The following EPC1 variants were observed in gnomAD, a reference collection of about 807,000 sequenced individuals.
EPC1 encodes the protein enhancer of polycomb 1.
A neutral mutation model predicts 98.4 loss-of-function variants in EPC1; 12 were observed. The ratio of observed to expected loss-of-function variants is 0.12; its 90% CI spans 0.08 to 0.20. The LOEUF (loss-of-function observed/expected upper bound fraction) is 0.20. Ranked by LOEUF, EPC1 falls within the 10% of genes least tolerant of loss-of-function variation. The probability of loss-of-function intolerance (pLI) is 1.00; values close to 1 mark genes in which losing one functional copy is unlikely to be tolerated. For missense variants in EPC1, 729 were observed against 990.5 expected (o/e 0.74, Z 3.54); for synonymous variants, 357 against 363.9 (o/e 0.98, Z 0.21).
intron 1 of EPC1, among the ~76,000 whole-genome samples, chr10:32,310,150 G>A (rs1836122783): frequency 6.6e-6 from 1 of 151,964 alleles, no homozygotes. Context: ...AGCTGAGATG[G>A]CACCACTGCA....
chr10:32,365,474 G>T (rs192962764), intron 1 of EPC1, among the ~76,000 whole-genome samples: 1 of 151,950 alleles, frequency 6.6e-6, no homozygotes, highest in Non-Finnish European at 1.5e-5. Context: ...AATAACAGTC[G>T]CACTCTAACC....
chr10:32,325,094 T>C (rs1413736183), intron 1 of EPC1, among the ~76,000 whole-genome samples: 1 of 152,234 alleles, frequency 6.6e-6, no homozygotes, highest in African/African-American at 2.4e-5. Context: ...TGTCAACCTA[T>C]GAACATAATC....
At chr10:32,282,384 G>GT (rs1836453893) in intron 10 of EPC1, 1 of 152,192 alleles carries the variant, frequency 6.6e-6, no homozygotes, top group South Asian at 2.1e-4. Context: ...GCCAGTCATG[G>GT]TGGCATACGC....
intron 1 of EPC1, among the ~76,000 whole-genome samples, chr10:32,378,060 C>G (rs901578159): frequency 6.6e-6 from 1 of 152,014 alleles, no homozygotes; most frequent in Non-Finnish European, 1.5e-5. Flanking sequence ...TAGTTTGTAT[C>G]CAAGTAATCT....
chr10:32,368,446 G>T (rs1327665946), intron 1 of EPC1, among the ~76,000 whole-genome samples: 1 of 152,156 alleles, frequency 6.6e-6, no homozygotes, highest in African/African-American at 2.4e-5. Flanking sequence ...TACCTGGAAG[G>T]TCTTCTCTCA....
intron 1 of EPC1, among the ~76,000 whole-genome samples, chr10:32,361,712 T>C (rs1839449144): frequency 6.6e-6 from 1 of 152,156 alleles, no homozygotes. Flanking sequence ...TGAGAGATAA[T>C]AGTCAATTTA....
At chr10:32,310,187 AT>A (rs1419232737) in intron 1 of EPC1, among the ~76,000 whole-genome samples, 1 of 152,166 alleles carries the variant, frequency 6.6e-6, no homozygotes, top group East Asian at 1.9e-4. Flanking sequence ...AGAGTGAGAT[AT>A]TGTCTCAAAA....
intron 10 of EPC1, among the ~76,000 whole-genome samples, chr10:32,275,293 A>T (rs905844428): frequency 3.3e-5 from 5 of 152,368 alleles, no homozygotes; most frequent in African/African-American, 7.2e-5. Context: ...TGTGAATTTC[A>T]CTTCTTAACA....
intron 1 of EPC1, chr10:32,344,967 T>C (rs1838661551): frequency 5.0e-6 from 1 of 201,360 alleles, no homozygotes. Context: ...TGTGCTGTCT[T>C]GCTTTAATCA....
At chr10:32,350,143 A>G (rs148143013), upstream of EPC1, among the ~76,000 whole-genome samples, 433 of 152,366 alleles carry the variant, frequency 2.8e-3, 4 homozygotes, top group African/African-American at 9.9e-3. Flanking sequence ...AATGTATGCT[A>G]GGGCAAAGGT....
chr10:32,313,263 G>A (rs1286404268), intron 1 of EPC1, among the ~76,000 whole-genome samples: 2 of 152,068 alleles, frequency 1.3e-5, no homozygotes, highest in Non-Finnish European at 2.9e-5. Flanking sequence ...AGAGATACAG[G>A]GCAGAACATC....
At chr10:32,292,906 T>C (rs1225921800) in intron 4 of EPC1, 82 bp downstream of exon 4, 8 of 946,102 alleles carry the variant, frequency 8.5e-6, no homozygotes, top group Non-Finnish European at 1.2e-5. Flanking sequence ...TGAATATAAA[T>C]TAAACCACAG....
intron 1 of EPC1, 117 bp downstream of exon 1, chr10:32,346,646 A>G (rs1018462690): frequency 1.9e-6 from 2 of 1,025,644 alleles, no homozygotes; most frequent in Admixed American, 2.2e-5. Flanking sequence ...GGCGACTGAG[A>G]GTCGGCGGCG....
chr10:32,317,292 TTA>T (rs1836612683), intron 1 of EPC1, among the ~76,000 whole-genome samples: 1 of 152,254 alleles, frequency 6.6e-6, no homozygotes, highest in African/African-American at 2.4e-5. Flanking sequence ...ATTATACCAG[TTA>T]TTTAAGGTCC....
In EPC1 at chr10:32,321,513, C is replaced by T. The variant is rs539468204; in HGVS notation, c.154-15582G>A. On this transcript the variant is annotated intron_variant, in intron 1 of 13. Transcript: ENST00000319778. ...TGCTACAGGTGCAACCACCACACCC[C>T]GCTTAGATCCATTTAATTTTTGAGG... Among the ~76,000 whole-genome samples the T allele has an allele frequency of 9.1e-4, 139 of 152,058 alleles. 1 individual carries two copies. The highest frequency in any genetic ancestry group is 3.2e-3 in the African/African-American group (133 of 41,488).
intron 13 of EPC1, among the ~76,000 whole-genome samples, chr10:32,270,845 A>G (rs1398934642): frequency 1.3e-5 from 2 of 150,668 alleles, no homozygotes; most frequent in South Asian, 2.1e-4. Flanking sequence ...AAAAAAAAAA[A>G]AAAAGAATAG....
At chr10:32,342,937 G>T (rs74128078) in intron 1 of EPC1, among the ~76,000 whole-genome samples, 3,049 of 152,242 alleles carry the variant, frequency 0.02, 109 homozygotes, top group African/African-American at 0.07. Context: ...AATCCATTTG[G>T]TAAGTTTAAC....
intron 1 of EPC1, among the ~76,000 whole-genome samples, chr10:32,357,977 C>T (rs1170630783): frequency 6.6e-6 from 1 of 151,532 alleles, no homozygotes; most frequent in Admixed American, 6.6e-5. Context: ...GCCTCAGCCT[C>T]CCGAGTAGCT....
Position 32,346,916 on chromosome 10 carries a change from C to T in EPC1, c.-1G>A, listed in dbSNP as rs1838872303. The T allele has an allele frequency of 2.5e-6, 4 of 1,613,366 alleles. No homozygotes were observed. The highest frequency in any genetic ancestry group is 2.2e-5 in the East Asian group (1 of 44,854). On this transcript the variant is annotated 5_prime_UTR_variant, in exon 1 of 14. Coordinates refer to ENST00000319778, the MANE Select transcript of EPC1 (RefSeq NM_001272004.3). The stretch of plus-strand genomic sequence containing the variant: ...GCGCCCGAAACGACAGTTTACTCAT[C>T]TCAGGCGCAGCAGATACCTCTCCGC...
Sources: allele counts gnomAD v4.1 joint callset (sites outside exome capture counted in the v4.1 genomes callset), GRCh38; gene constraint gnomAD v4.1.1; transcripts MANE v1.5; gene names NCBI Gene and HGNC (gene_info 2026-07-23, HGNC 2026-07-21).